The following TRAPPC9 variants were observed in gnomAD, a reference collection of about 807,000 sequenced individuals.
TRAPPC9 encodes IKK2 binding protein.
TRAPPC9 carries 83 observed loss-of-function variants against 124.0 expected under a neutral mutation model. The observed-to-expected ratio is 0.67, with a 90% CI of 0.56 to 0.80. The LOEUF is 0.80. Among genes scored for constraint, TRAPPC9 ranks in the 30% least tolerant of loss-of-function variants. The pLI is 0.00. For synonymous variants in TRAPPC9, 638 were observed against 617.5 expected (o/e 1.03, Z -0.49); for missense variants, 1,302 against 1,508.3 (o/e 0.86, Z 2.27).
At chr8:139,885,018 G>A (rs1032526119) in intron 21 of TRAPPC9, among the ~76,000 whole-genome samples, 1 of 152,200 alleles carries the variant, frequency 6.6e-6, no homozygotes, top group African/African-American at 2.4e-5. Context: ...CATGAAAGGG[G>A]CAGAACAAAT....
chr8:139,868,747 C>T (rs578051680), intron 21 of TRAPPC9, among the ~76,000 whole-genome samples: 1 of 152,198 alleles, frequency 6.6e-6, no homozygotes, highest in South Asian at 2.1e-4. Flanking sequence ...ATATTTATTG[C>T]GCATGTAATA....
chr8:140,170,549 A>C (rs1234389103), intron 17 of TRAPPC9, among the ~76,000 whole-genome samples: 1 of 152,096 alleles, frequency 6.6e-6, no homozygotes, highest in African/African-American at 2.4e-5. Context: ...GGAACTTGAA[A>C]CCCAATTAGG....
chr8:139,929,465 G>A (rs1832996871), intron 19 of TRAPPC9, among the ~76,000 whole-genome samples: 1 of 152,210 alleles, frequency 6.6e-6, no homozygotes, highest in African/African-American at 2.4e-5. Context: ...GCCGAGCGTG[G>A]TGGCTCACGC....
At chr8:140,373,914 A>C (rs1309541699) in intron 7 of TRAPPC9, among the ~76,000 whole-genome samples, 1 of 152,164 alleles carries the variant, frequency 6.6e-6, no homozygotes, top group African/African-American at 2.4e-5. Flanking sequence ...ATATATTCTG[A>C]ATGCAAGTCC....
At chr8:140,270,903 C>T (rs138162362) in intron 15 of TRAPPC9, among the ~76,000 whole-genome samples, 7 of 152,248 alleles carry the variant, frequency 4.6e-5, no homozygotes, top group South Asian at 4.1e-4. Context: ...GGGGCCAGGG[C>T]GACAGCAGCC....
chr8:140,053,362 G>A lies in TRAPPC9; in HGVS notation c.2557-29283C>T, dbSNP rs924472353. Among the ~76,000 whole-genome samples, 6 of 152,194 alleles carry A rather than the reference G, an allele frequency of 3.9e-5. No individual in the cohort carries two copies. The South Asian group carries it at 1.2e-3, about 32-fold the overall frequency. On this transcript the variant is annotated intron_variant, in intron 17 of 22. Coordinates refer to ENST00000438773, the MANE Select transcript of TRAPPC9 (RefSeq NM_001160372.4). The stretch of plus-strand genomic sequence containing the variant: ...TGCTGCCTAATTGGCACACATTTGT[G>A]AATTTTCCAGTTTTCCTTGTACAAC...
At chr8:140,146,711 C>A (rs763971122) in intron 17 of TRAPPC9, among the ~76,000 whole-genome samples, 12 of 152,294 alleles carry the variant, frequency 7.9e-5, no homozygotes, top group African/African-American at 1.4e-4. Flanking sequence ...AGTCTCTCAT[C>A]TTCCTATGCC....
At chr8:139,790,697 G>A (rs80275972) in intron 21 of TRAPPC9, among the ~76,000 whole-genome samples, 1 of 152,298 alleles carries the variant, frequency 6.6e-6, no homozygotes, top group East Asian at 1.9e-4. Context: ...GGCACAGGAT[G>A]ATGGGCCCCA....
intron 17 of TRAPPC9, among the ~76,000 whole-genome samples, chr8:140,113,160 C>G (rs2060814349): frequency 1.3e-5 from 2 of 152,210 alleles, no homozygotes; most frequent in South Asian, 4.1e-4. Context: ...GTAAAGAGCA[C>G]AGGCCCAGCA....
Position 140,023,990 on chromosome 8 carries a change from T to C in TRAPPC9, c.2646A>G (p.Val882=). ...YYRNLSLGLH[V]EVEPSVFFTR... ...TGAAAAATACAGACGGCTCGACTTC[T>C]ACATGCAGCCCCAGGGAGAGATTCC... The change falls in exon 18 of 23, where the codon GTA becomes GTG. Residue 882 remains valine, a synonymous_variant. Transcript: ENST00000438773. 1 of 1,614,142 alleles carries C rather than the reference T, an allele frequency of 6.2e-7. No individual in the cohort carries two copies.
intron 21 of TRAPPC9, among the ~76,000 whole-genome samples, chr8:139,875,714 C>T (rs1396849311): frequency 6.6e-6 from 1 of 152,206 alleles, no homozygotes; most frequent in Non-Finnish European, 1.5e-5. Flanking sequence ...AATTCACCAT[C>T]GTGGTCTCCA....
intron 15 of TRAPPC9, among the ~76,000 whole-genome samples, chr8:140,259,639 G>A (rs1255318654): frequency 6.6e-6 from 1 of 152,198 alleles, no homozygotes; most frequent in South Asian, 2.1e-4. Flanking sequence ...CTCAACCAAT[G>A]CTAGTTATTC....
chr8:139,880,668 G>T (rs1049847476), intron 21 of TRAPPC9, among the ~76,000 whole-genome samples: 1 of 152,154 alleles, frequency 6.6e-6, no homozygotes, highest in African/African-American at 2.4e-5. Context: ...TCCCTAAAAA[G>T]GTTCATAGCC....
At chr8:140,137,923 C>G (rs754362724) in intron 17 of TRAPPC9, among the ~76,000 whole-genome samples, 5 of 152,210 alleles carry the variant, frequency 3.3e-5, no homozygotes, top group African/African-American at 4.8e-5. Flanking sequence ...TGCACATAAG[C>G]ATATCATGTG....
chr8:139,908,370 G>C (rs1831497483), intron 20 of TRAPPC9, among the ~76,000 whole-genome samples: 1 of 152,136 alleles, frequency 6.6e-6, no homozygotes, highest in South Asian at 2.1e-4. Context: ...TGAGACCCGA[G>C]TAAGAGATGC....
rs546192000 is a variant in TRAPPC9, at chr8:140,420,492, G to C, written c.886+6123C>G. ...ATTTACTACAACCTACCTGGGGTGGGGGAGGTATGGGTAATTTTTAAATTT... is the reference window on the plus strand; with the variant it reads ...ATTTACTACAACCTACCTGGGGTGGCGGAGGTATGGGTAATTTTTAAATTT... On this transcript the variant is annotated intron_variant, in intron 5 of 22. Transcript: ENST00000438773. Among the ~76,000 whole-genome samples, 373 of 152,144 alleles carry C rather than the reference G, an allele frequency of 2.5e-3. 2 individuals carry two copies. Among genetic ancestry groups the C allele is most frequent in the South Asian group, 0.021 (99 of 4,818 alleles).
chr8:139,807,654 G>A (rs979511337), intron 21 of TRAPPC9, among the ~76,000 whole-genome samples: 4 of 152,094 alleles, frequency 2.6e-5, no homozygotes, highest in Admixed American at 2.0e-4. Context: ...ACAAAAGGTG[G>A]GCGAACGGTA....
intron 17 of TRAPPC9, among the ~76,000 whole-genome samples, chr8:140,131,309 G>A (rs537155001): frequency 3.5e-4 from 54 of 152,308 alleles, no homozygotes; most frequent in Middle Eastern, 3.4e-3. Flanking sequence ...ACATTTCCCT[G>A]CAGAAACATT....
At chr8:140,456,903 T>C (rs1467925108) in intron 1 of TRAPPC9, 1 of 931,794 alleles carries the variant, frequency 1.1e-6, no homozygotes, top group Non-Finnish European at 1.3e-6. Context: ...TTAACAGACA[T>C]TCACGTTGGG....
Sources: gnomAD v4.1 joint callset for allele counts (sites outside exome capture counted in the v4.1 genomes callset) on GRCh38, gnomAD v4.1.1 for gene constraint, MANE v1.5 for transcripts, NCBI Gene and HGNC (gene_info 2026-07-23, HGNC 2026-07-21) for gene names.